GALNT13: variants seen among roughly 807,000 people sequenced by gnomAD.
GALNT13 encodes polypeptide N-acetylgalactosaminyltransferase 13.
Under a neutral mutation model 64.2 loss-of-function variants are expected in GALNT13, and 28 were observed. That is an observed-to-expected ratio of 0.44 (90% CI 0.32 to 0.60). GALNT13 has a LOEUF of 0.60. Among genes scored for constraint, GALNT13 ranks in the 20% least tolerant of loss-of-function variants. GALNT13 has a pLI of 0.05. For missense variants in GALNT13, 577 were observed against 669.8 expected, an observed-to-expected ratio of 0.86 and a Z score of 1.53; for synonymous variants, 214 against 224.6, an observed-to-expected ratio of 0.95 and a Z score of 0.42.
the GALNT13 span, among the ~76,000 whole-genome samples, chr2:153,750,905 G>A: frequency 6.6e-6 from 1 of 151,466 alleles, no homozygotes; most frequent in African/African-American, 2.4e-5. Flanking sequence ...AGAATTAGGT[G>A]TTTTTTGAAG....
At chr2:153,195,465 C>A in the GALNT13 span, among the ~76,000 whole-genome samples, 3 of 152,212 alleles carry the variant, frequency 2.0e-5, no homozygotes, top group Non-Finnish European at 4.4e-5. Context: ...GCTCCAGGTG[C>A]CTGCATGGGT....
At chr2:154,306,419 C>T (rs559098490) in intron 9 of GALNT13, among the ~76,000 whole-genome samples, 3 of 152,026 alleles carry the variant, frequency 2.0e-5, no homozygotes, top group Admixed American at 6.6e-5. Flanking sequence ...TCTGTTCCTG[C>T]GTTATATCAT....
the GALNT13 span, among the ~76,000 whole-genome samples, chr2:153,723,300 A>G: frequency 6.6e-6 from 1 of 150,594 alleles, no homozygotes; most frequent in Non-Finnish European, 1.5e-5. Context: ...GATGGGACAT[A>G]TTTCAAAATC....
the GALNT13 span, among the ~76,000 whole-genome samples, chr2:153,355,631 C>G: frequency 2.0e-5 from 3 of 152,174 alleles, no homozygotes; most frequent in African/African-American, 7.2e-5. Context: ...CATCCAGTTA[C>G]TAAGAATTTG....
chr2:154,364,727 G>A (rs965721246), intron 9 of GALNT13, among the ~76,000 whole-genome samples: 1 of 152,028 alleles, frequency 6.6e-6, no homozygotes, highest in Non-Finnish European at 1.5e-5. Flanking sequence ...GCTGGAATGC[G>A]ATGGCGCGAT....
At chr2:154,306,640 G>C (rs971893808) in intron 9 of GALNT13, among the ~76,000 whole-genome samples, 17 of 147,980 alleles carry the variant, frequency 1.1e-4, no homozygotes, top group Non-Finnish European at 2.1e-4. Flanking sequence ...CAAGAAATGG[G>C]GAGTGCTGAT....
chr2:153,330,204 G>A, the GALNT13 span, among the ~76,000 whole-genome samples: 1 of 152,186 alleles, frequency 6.6e-6, no homozygotes, highest in Non-Finnish European at 1.5e-5. Flanking sequence ...TTGAAGTCAG[G>A]TAATGTGATG....
chr2:153,980,027 A>C (rs1694351968), intron 3 of GALNT13, among the ~76,000 whole-genome samples: 1 of 152,222 alleles, frequency 6.6e-6, no homozygotes, highest in Non-Finnish European at 1.5e-5. Flanking sequence ...AGTTAAAGAC[A>C]GAATTGCATG....
chr2:153,850,672 G>A, the GALNT13 span, among the ~76,000 whole-genome samples: 1 of 152,090 alleles, frequency 6.6e-6, no homozygotes, highest in Non-Finnish European at 1.5e-5. Flanking sequence ...TATTTAAGAT[G>A]GTAAAGATTG....
At chr2:153,280,600 T>C in the GALNT13 span, among the ~76,000 whole-genome samples, 1 of 152,190 alleles carries the variant, frequency 6.6e-6, no homozygotes, top group African/African-American at 2.4e-5. Context: ...TTTTTATTTC[T>C]GCCTTAATTT....
chr2:153,350,546 C>T, the GALNT13 span, among the ~76,000 whole-genome samples: 8 of 151,936 alleles, frequency 5.3e-5, no homozygotes, highest in Non-Finnish European at 8.8e-5. Flanking sequence ...CCATATCTGG[C>T]TGGTTTTTGT....
At chr2:153,294,204 G>T in the GALNT13 span, among the ~76,000 whole-genome samples, 1 of 152,076 alleles carries the variant, frequency 6.6e-6, no homozygotes, top group East Asian at 1.9e-4. Flanking sequence ...GATATTTGGA[G>T]TTTGGGTGCA....
At chr2:153,101,872 C>G in the GALNT13 span, among the ~76,000 whole-genome samples, 12,425 of 152,248 alleles carry the variant, frequency 0.082, 665 homozygotes, top group Non-Finnish European at 0.12. Context: ...TCTATTCTTC[C>G]TTTCCATCTT....
intron 12 of GALNT13, among the ~76,000 whole-genome samples, chr2:154,439,925 TACTC>T (rs1701200309): frequency 6.6e-6 from 1 of 152,146 alleles, no homozygotes; most frequent in African/African-American, 2.4e-5. Context: ...CGCTATATCT[TACTC>T]ACCTTGTCTG....
chr2:153,534,251 A>T, the GALNT13 span, among the ~76,000 whole-genome samples: 2 of 152,170 alleles, frequency 1.3e-5, no homozygotes. Flanking sequence ...ATAGCTGGAC[A>T]TGATGTACTG....
At chr2:153,649,280 A>G in the GALNT13 span, among the ~76,000 whole-genome samples, 2 of 152,126 alleles carry the variant, frequency 1.3e-5, no homozygotes, top group South Asian at 2.1e-4. Flanking sequence ...CTCTGATGGT[A>G]GTTTCTATTT....
chr2:153,621,214 G>A, the GALNT13 span, among the ~76,000 whole-genome samples: 1 of 151,978 alleles, frequency 6.6e-6, no homozygotes. Context: ...GTTACTCATA[G>A]TTATCACCGT....
At chr2:154,149,898 TC>T (rs1454778768) in intron 4 of GALNT13, among the ~76,000 whole-genome samples, 9 of 152,178 alleles carry the variant, frequency 5.9e-5, no homozygotes, top group Non-Finnish European at 1.0e-4. Context: ...CTTCCTCTTT[TC>T]CTAATTGAAT....
the GALNT13 span, among the ~76,000 whole-genome samples, chr2:153,174,797 G>A: frequency 2.6e-5 from 4 of 152,084 alleles, no homozygotes; most frequent in Non-Finnish European, 4.4e-5. Context: ...TTTACCTGAA[G>A]CATCTTTAAT....
Sources: allele counts gnomAD v4.1 joint callset (sites outside exome capture counted in the v4.1 genomes callset), GRCh38; gene constraint gnomAD v4.1.1; transcripts MANE v1.5; gene names NCBI Gene and HGNC (gene_info 2026-07-23, HGNC 2026-07-21).